Variants in RARS2 observed in about 807,000 individuals in gnomAD.
RARS2 encodes the protein arginyl-tRNA synthetase 2, mitochondrial.
In RARS2, 67 loss-of-function variants were observed where a neutral mutation model predicts 88.5. That is an observed-to-expected ratio of 0.76 (90% CI 0.62 to 0.93). The LOEUF (loss-of-function observed/expected upper bound fraction) is 0.93. RARS2 is among the 40% of genes least tolerant of loss of function. The pLI is 0.00. For synonymous variants in RARS2, 239 were observed against 230.3 expected (o/e 1.04, Z -0.34); for missense variants, 664 against 684.2 (o/e 0.97, Z 0.33).
chr6:87,530,422 T>C (rs1055837709), intron 9 of RARS2, among the ~76,000 whole-genome samples: 2 of 152,218 alleles, frequency 1.3e-5, no homozygotes, highest in Non-Finnish European at 2.9e-5. Flanking sequence ...GAACAAGGGT[T>C]TTCCTCTTCT....
intron 14 of RARS2, 174 bp from the exon 15 acceptor site, chr6:87,519,065 C>A (rs1283206615): frequency 1.5e-6 from 1 of 667,924 alleles, no homozygotes; most frequent in Non-Finnish European, 2.6e-6. Context: ...TTTCCCCTGC[C>A]TACATTAAAG....
At position 87,540,446 on chromosome 6, in the gene RARS2, C is replaced by CAAA. The variant is rs34144204; in HGVS notation, c.612+1469_612+1471dup. ...GCCTAGGCAACAGTGTGAGACTCCT[C>CAAA]AAAAAAAAAAAAAAAAAAAAAAAAC... On this transcript the variant is annotated intron_variant, in intron 8 of 19. Coordinates refer to ENST00000369536, the MANE Select transcript of RARS2 (RefSeq NM_020320.5). 4.4e-3 allele frequency among the ~76,000 whole-genome samples: 185 copies of CAAA among 41,976 alleles called. 4 individuals are homozygous for CAAA. Among genetic ancestry groups the CAAA allele is most frequent in the African/African-American group, 0.011 (111 of 10,410 alleles). 27.5% of individuals were successfully genotyped at this position (41,976 alleles called of 152,430 possible).
intron 5 of RARS2, among the ~76,000 whole-genome samples, chr6:87,553,498 A>G (rs1331192438): frequency 3.3e-5 from 5 of 152,160 alleles, no homozygotes; most frequent in South Asian, 4.1e-4. Context: ...CAACTATTCA[A>G]CTCAGCTCTA....
intron 10 of RARS2, among the ~76,000 whole-genome samples, chr6:87,529,278 A>G (rs1230799971): frequency 1.3e-5 from 2 of 152,236 alleles, no homozygotes; most frequent in Non-Finnish European, 2.9e-5. Context: ...ATCAGGTTAT[A>G]TGACCTTAAG....
At chr6:87,537,238 T>A (rs1308055466) in intron 8 of RARS2, among the ~76,000 whole-genome samples, 1 of 152,202 alleles carries the variant, frequency 6.6e-6, no homozygotes, top group Non-Finnish European at 1.5e-5. Context: ...AAACTACTAA[T>A]TGTGTCCCTG....
intron 10 of RARS2, among the ~76,000 whole-genome samples, chr6:87,525,803 C>A (rs1204897308): frequency 6.6e-6 from 1 of 152,064 alleles, no homozygotes; most frequent in Non-Finnish European, 1.5e-5. Context: ...CCCCCGGCCT[C>A]CCAAAGTGCT....
intron 1 of RARS2, among the ~76,000 whole-genome samples, chr6:87,576,981 G>A (rs751268849): frequency 3.3e-5 from 5 of 152,158 alleles, no homozygotes; most frequent in Admixed American, 6.5e-5. Flanking sequence ...AGATTCATTC[G>A]ATAAAGAAGT....
chr6:87,537,098 T>C (rs546574420), intron 8 of RARS2, among the ~76,000 whole-genome samples: 2 of 152,364 alleles, frequency 1.3e-5, no homozygotes, highest in African/African-American at 4.8e-5. Flanking sequence ...ATACTAATAC[T>C]GATTATAGTG....
At chr6:87,559,963 G>A (rs775532607) in intron 4 of RARS2, among the ~76,000 whole-genome samples, 2 of 152,186 alleles carry the variant, frequency 1.3e-5, no homozygotes, top group Non-Finnish European at 2.9e-5. Context: ...CACAAATACA[G>A]TATTTGGTAT....
At chr6:87,556,923 A>T (rs1179617862) in intron 4 of RARS2, among the ~76,000 whole-genome samples, 2 of 150,492 alleles carry the variant, frequency 1.3e-5, no homozygotes, top group Admixed American at 6.6e-5. Flanking sequence ...AAGTGCTGGG[A>T]TTATAGGTAT....
chr6:87,561,019 G>A (rs1171795302), intron 4 of RARS2, among the ~76,000 whole-genome samples: 4 of 152,276 alleles, frequency 2.6e-5, no homozygotes, highest in African/African-American at 7.2e-5. Context: ...CATTATAAAT[G>A]ACTATGTTAG....
At chr6:87,545,558 A>T in intron 7 of RARS2, 58 bp downstream of exon 7, 1 of 1,609,662 alleles carries the variant, frequency 6.2e-7, no homozygotes, top group East Asian at 2.2e-5. Flanking sequence ...TCCAGATCAA[A>T]GTTTTTACAA....
chr6:87,555,480 T>C lies in RARS2; in HGVS notation c.323A>G (p.Asp108Gly), dbSNP rs750490956. The change falls in exon 5 of 20, where the codon GAT (aspartate) becomes GGT (glycine). Residue 108 changes from aspartate to glycine, a missense_variant. Physicochemically the swap from Asp to Gly is moderately conservative, Grantham distance 94. Coordinates refer to ENST00000369536, the MANE Select transcript of RARS2 (RefSeq NM_020320.5). Reference protein sequence around the residue: ...TKTVLQQVIEDGSKYGLKSEL... With the variant: ...TKTVLQQVIEGGSKYGLKSEL... ...ACTTTTTAATCCATATTTTGAGCCA[T>C]CTTCAATTACTTGTTGTAGCACTGT... The C allele has an allele frequency of 1.1e-4, 180 of 1,613,442 alleles. No individual in the cohort carries two copies. The highest frequency in any genetic ancestry group is 1.4e-4 in the Non-Finnish European group (167 of 1,179,568).
intron 4 of RARS2, among the ~76,000 whole-genome samples, chr6:87,558,323 C>A (rs1053410852): frequency 6.6e-6 from 1 of 152,212 alleles, no homozygotes; most frequent in Non-Finnish European, 1.5e-5. Context: ...CTACCACTCA[C>A]CCAACTAACC....
At chr6:87,525,388 CAT>C (rs1244089852) in intron 10 of RARS2, among the ~76,000 whole-genome samples, 1 of 151,930 alleles carries the variant, frequency 6.6e-6, no homozygotes, top group Non-Finnish European at 1.5e-5. Context: ...CTGCAGGCAA[CAT>C]AATCTTTTTT....
At position 87,555,507 on chromosome 6, in the gene RARS2, T is replaced by C; in HGVS notation, c.298-2A>G. Reference sequence around the variant, plus strand: ...TTCAATTACTTGTTGTAGCACTGTCTGAAAATTAAAGGACTGTAATTTAAT... The same window carrying C: ...TTCAATTACTTGTTGTAGCACTGTCCGAAAATTAAAGGACTGTAATTTAAT... On this transcript the variant is annotated splice_acceptor_variant, in intron 4 of 19. Transcript: ENST00000369536. LOFTEE classifies it high-confidence loss of function. 6.2e-7 allele frequency: 1 copy of C among 1,606,018 alleles called. No individual in the cohort carries two copies. Among genetic ancestry groups the C allele is most frequent in the Non-Finnish European group, 8.5e-7 (1 of 1,172,808 alleles).
intron 1 of RARS2, among the ~76,000 whole-genome samples, chr6:87,583,658 G>A (rs901832666): frequency 6.6e-6 from 1 of 151,828 alleles, no homozygotes; most frequent in Non-Finnish European, 1.5e-5. Flanking sequence ...GTAAGAAAGG[G>A]AGACAAATCT....
chr6:87,520,468 G>T (rs1024057882), intron 12 of RARS2, among the ~76,000 whole-genome samples: 1 of 152,064 alleles, frequency 6.6e-6, no homozygotes, highest in African/African-American at 2.4e-5. Flanking sequence ...CAACTCCACC[G>T]AGTCAGTAGG....
At chr6:87,564,500 T>TAC (rs754888525) in intron 2 of RARS2, 324 of 401,462 alleles carry the variant, frequency 8.1e-4, no homozygotes, top group East Asian at 5.1e-3. Context: ...CTACTAAAAA[T>TAC]ACACACACAC....
Sources: gnomAD v4.1 joint callset for allele counts (sites outside exome capture counted in the v4.1 genomes callset) on GRCh38, gnomAD v4.1.1 for gene constraint, MANE v1.5 for transcripts, NCBI Gene and HGNC (gene_info 2026-07-23, HGNC 2026-07-21) for gene names.